PTK2: variants seen among roughly 807,000 people sequenced by gnomAD.
PTK2 encodes focal adhesion kinase 1.
A neutral mutation model predicts 150.1 loss-of-function variants in PTK2; 45 were observed. That is an observed-to-expected ratio of 0.30 (90% CI 0.24 to 0.38). The LOEUF (loss-of-function observed/expected upper bound fraction) is 0.38, where lower values mean the gene tolerates loss of function less well. Ranked by LOEUF, PTK2 falls within the 10% of genes least tolerant of loss-of-function variation. PTK2 has a pLI of 1.00. For missense variants in PTK2, 919 were observed against 1,307.3 expected, an observed-to-expected ratio of 0.70 and a Z score of 4.58; for synonymous variants, 432 against 449.2, an observed-to-expected ratio of 0.96 and a Z score of 0.48.
At chr8:140,888,355 A>G (rs775609562) in intron 3 of PTK2, among the ~76,000 whole-genome samples, 2 of 152,228 alleles carry the variant, frequency 1.3e-5, no homozygotes, top group Non-Finnish European at 2.9e-5. Context: ...CCAATCTTCC[A>G]TTACAGTGAC....
intron 1 of PTK2, among the ~76,000 whole-genome samples, chr8:140,953,125 C>T (rs2100180061): frequency 6.6e-6 from 1 of 152,104 alleles, no homozygotes. Context: ...AAACCAATAT[C>T]TGAATCTAGA....
intron 5 of PTK2, among the ~76,000 whole-genome samples, chr8:140,848,686 A>T (rs1336615188): frequency 6.6e-6 from 1 of 152,224 alleles, no homozygotes; most frequent in Non-Finnish European, 1.5e-5. Context: ...TGTTTCTACA[A>T]AACAAAAAAT....
At chr8:140,802,377 AAAAAG>A (rs1417680700) in intron 11 of PTK2, among the ~76,000 whole-genome samples, 2 of 152,208 alleles carry the variant, frequency 1.3e-5, no homozygotes, top group Non-Finnish European at 2.9e-5. Flanking sequence ...AAGTATGTAA[AAAAAG>A]AAAATTTTTT....
chr8:140,803,365 T>C (rs2100096397), intron 11 of PTK2, among the ~76,000 whole-genome samples, 178 bp downstream of exon 11: 2 of 152,226 alleles, frequency 1.3e-5, no homozygotes, highest in South Asian at 2.1e-4. Flanking sequence ...ATCTGTCTCC[T>C]GTCCTATTCT....
At chr8:140,925,961 A>G (rs946917194) in intron 1 of PTK2, among the ~76,000 whole-genome samples, 1 of 152,242 alleles carries the variant, frequency 6.6e-6, no homozygotes, top group African/African-American at 2.4e-5. Context: ...TCTTCCAAGT[A>G]CTTTAAAAAT....
At chr8:140,870,411 A>G (rs1268264868) in intron 4 of PTK2, among the ~76,000 whole-genome samples, 8 of 152,242 alleles carry the variant, frequency 5.3e-5, no homozygotes, top group Non-Finnish European at 8.8e-5. Context: ...AGTAAACATG[A>G]ATGAATGAAA....
At chr8:140,949,475 C>A (rs1172565316) in intron 1 of PTK2, among the ~76,000 whole-genome samples, 2 of 152,212 alleles carry the variant, frequency 1.3e-5, no homozygotes, top group East Asian at 3.9e-4. Context: ...TCTTAGGGGT[C>A]CGGGAAGCCC....
intron 14 of PTK2, among the ~76,000 whole-genome samples, chr8:140,783,303 G>A (rs555195349): frequency 1.3e-5 from 2 of 152,250 alleles, no homozygotes; most frequent in African/African-American, 4.8e-5. Flanking sequence ...TCTAGTCCAA[G>A]ATCAAGATTT....
At chr8:140,673,582 C>T (rs868445532) in intron 29 of PTK2, among the ~76,000 whole-genome samples, 7 of 152,108 alleles carry the variant, frequency 4.6e-5, no homozygotes, top group Admixed American at 6.5e-5. Context: ...AAAAAGATCC[C>T]ATCTCCTTAC....
intron 10 of PTK2, among the ~76,000 whole-genome samples, chr8:140,806,924 C>T (rs886924761): frequency 2.0e-5 from 3 of 152,218 alleles, no homozygotes; most frequent in African/African-American, 7.2e-5. Context: ...CAGATACTCT[C>T]TCACGCCACC....
intron 4 of PTK2, among the ~76,000 whole-genome samples, chr8:140,873,167 T>C (rs952289502): frequency 6.6e-6 from 1 of 152,242 alleles, no homozygotes; most frequent in African/African-American, 2.4e-5. Flanking sequence ...ATGTAATCAC[T>C]TGACATTCAA....
chr8:140,976,386 G>GA (rs1438358986), intron 1 of PTK2, among the ~76,000 whole-genome samples: 1 of 152,084 alleles, frequency 6.6e-6, no homozygotes, highest in Non-Finnish European at 1.5e-5. Context: ...TTTCTGGGGA[G>GA]AAAAAAATGA....
chr8:140,804,464 T>C (rs2100097156), intron 10 of PTK2, among the ~76,000 whole-genome samples: 1 of 151,958 alleles, frequency 6.6e-6, no homozygotes, highest in African/African-American at 2.4e-5. Context: ...GGTCTGTGCC[T>C]GTAGACCCAG....
At chr8:140,957,153 G>A (rs2100181483) in intron 1 of PTK2, among the ~76,000 whole-genome samples, 1 of 152,038 alleles carries the variant, frequency 6.6e-6, no homozygotes, top group African/African-American at 2.4e-5. Context: ...GAAAATATTG[G>A]CTAGGTGCAG....
At chr8:140,794,609 T>C (rs1475216978) in intron 12 of PTK2, among the ~76,000 whole-genome samples, 1 of 152,224 alleles carries the variant, frequency 6.6e-6, no homozygotes, top group Non-Finnish European at 1.5e-5. Context: ...TCTGTCCTTC[T>C]GAGAGCTTCC....
At chr8:140,746,723 G>T in intron 18 of PTK2, 37 bp downstream of exon 21, 2 of 1,457,538 alleles carry the variant, frequency 1.4e-6, no homozygotes, top group Non-Finnish European at 1.9e-6. Flanking sequence ...GATATCAAAC[G>T]CTGAGTCCAG....
At chr8:140,904,890 T>G (rs1394786928) in intron 2 of PTK2, among the ~76,000 whole-genome samples, 2 of 152,164 alleles carry the variant, frequency 1.3e-5, no homozygotes, top group Non-Finnish European at 2.9e-5. Context: ...CTTCTCTCTT[T>G]TCTTCTTTAT....
chr8:140,971,498 A>G (rs1327125536), intron 1 of PTK2, among the ~76,000 whole-genome samples: 1 of 152,228 alleles, frequency 6.6e-6, no homozygotes, highest in Non-Finnish European at 1.5e-5. Flanking sequence ...CCTTAGAGTC[A>G]AGACTCAAAT....
chr8:140,698,745 G>A (rs2100028384), intron 26 of PTK2, among the ~76,000 whole-genome samples: 1 of 152,150 alleles, frequency 6.6e-6, no homozygotes, highest in African/African-American at 2.4e-5. Flanking sequence ...CTCCTGAATA[G>A]CTGGGATTAC....
Sources: allele counts gnomAD v4.1 joint callset (sites outside exome capture counted in the v4.1 genomes callset), GRCh38; gene constraint gnomAD v4.1.1; transcripts MANE v1.5; gene names NCBI Gene and HGNC (gene_info 2026-07-23, HGNC 2026-07-21).